The following SULF2 variants were observed in gnomAD, a reference collection of about 807,000 sequenced individuals.
The protein encoded by SULF2 is sulfatase 2, also known as extracellular sulfatase Sulf-2.
SULF2 carries 52 observed loss-of-function variants against 107.7 expected under a neutral mutation model. The observed-to-expected ratio is 0.48, with a 90% CI of 0.39 to 0.61. SULF2 has a LOEUF of 0.61. Ranked by LOEUF, SULF2 falls within the 20% of genes least tolerant of loss-of-function variation. SULF2 has a pLI of 0.00. For synonymous variants in SULF2, 460 were observed against 464.3 expected (o/e 0.99, Z 0.12); for missense variants, 993 against 1,177.3 (o/e 0.84, Z 2.29).
At chr20:47,712,686 C>A (rs191348859) in intron 3 of SULF2, among the ~76,000 whole-genome samples, 2 of 152,134 alleles carry the variant, frequency 1.3e-5, no homozygotes, top group East Asian at 3.9e-4. Flanking sequence ...TAATGTTAAG[C>A]GTCACACCCC....
At chr20:47,674,686 AC>A (rs1434683358) in intron 10 of SULF2, among the ~76,000 whole-genome samples, 1 of 152,216 alleles carries the variant, frequency 6.6e-6, no homozygotes, top group African/African-American at 2.4e-5. Context: ...TGACAAAAAA[AC>A]ATCTACCACG....
chr20:47,693,770 C>T lies in SULF2; in HGVS notation c.568-3475G>A, dbSNP rs547979199. ...GCTACCTCCAGGGGAGGGCTCAGGC[C>T]GGGGCAGGAATGAGACCCAGGAGGG... On this transcript the variant is annotated intron_variant, in intron 4 of 20. Transcript: ENST00000688720. 9.2e-5 allele frequency among the ~76,000 whole-genome samples: 14 copies of T among 152,300 alleles called. No homozygotes were observed. The East Asian group carries it at 9.6e-4, about 10-fold the overall frequency.
At chr20:47,710,805 C>T (rs901912571) in intron 3 of SULF2, among the ~76,000 whole-genome samples, 3 of 152,168 alleles carry the variant, frequency 2.0e-5, no homozygotes, top group African/African-American at 7.2e-5. Context: ...GCAGGTCGGC[C>T]ACTTCCCCTG....
chr20:47,706,781 G>A (rs977997946), intron 3 of SULF2: 2 of 152,216 alleles, frequency 1.3e-5, no homozygotes, highest in African/African-American at 4.8e-5. Flanking sequence ...GTTTAGTCAG[G>A]AAGCCCAAAT....
intron 7 of SULF2, among the ~76,000 whole-genome samples, chr20:47,682,061 C>T (rs2087840425): frequency 6.6e-6 from 1 of 152,036 alleles, no homozygotes; most frequent in African/African-American, 2.4e-5. Context: ...GTCGTTATTA[C>T]AGCTCTTAGT....
intron 1 of SULF2, among the ~76,000 whole-genome samples, chr20:47,775,586 T>C (rs34106625): frequency 0.085 from 12,879 of 152,222 alleles, 808 homozygotes; most frequent in African/African-American, 0.17. Flanking sequence ...CAAATGACTA[T>C]GAGGTTAAGA....
intron 8 of SULF2, among the ~76,000 whole-genome samples, chr20:47,677,431 C>CGT (rs1200877482): frequency 1.6e-4 from 18 of 112,588 alleles, no homozygotes; most frequent in Non-Finnish European, 3.4e-4. Flanking sequence ...TGTGTGTGTG[C>CGT]GCGCACACAC....
rs754040310 is a variant in SULF2 at position 47,689,962 on chromosome 20, C to T, written c.737+164G>A. 3.5e-4 allele frequency: 242 copies of T among 695,480 alleles called. 1 individual carries two copies. The highest frequency in any genetic ancestry group is 4.6e-4 in the Non-Finnish European group (227 of 496,862). 43.1% of individuals were successfully genotyped at this position (695,480 alleles called of 1,614,324 possible). ...TTGCCCAGGCTGTCTGGAGTTGCAT[C>T]CCAGTTTCACCATGGACAAGCAGTA... is the stretch of plus-strand genomic sequence containing the variant. On this transcript the variant is annotated intron_variant, in intron 5 of 20. Coordinates refer to ENST00000688720, the MANE Select transcript of SULF2 (RefSeq NM_001387048.1).
At position 47,665,133 on chromosome 20, in the gene SULF2, G is replaced by A; in HGVS notation, c.1997+66C>T. On this transcript the variant is annotated intron_variant, in intron 14 of 20. Transcript: ENST00000688720. ...AAAATGAAAGGGGTCAATCACGAGA[G>A]GGGATGAACTGAACTGTCCTGTAGG... The A allele has an allele frequency of 9.1e-6, 9 of 991,124 alleles. No homozygotes were observed. The South Asian group carries it at 1.2e-4, about 13-fold the overall frequency. 61.4% of individuals were successfully genotyped at this position (991,124 alleles called of 1,614,324 possible).
chr20:47,774,806 A>AAGGGGTGATCATGTGACC, intron 1 of SULF2, among the ~76,000 whole-genome samples: 1 of 152,158 alleles, frequency 6.6e-6, no homozygotes, highest in Non-Finnish European at 1.5e-5. Context: ...CCTCTCTGCC[A>AAGGGGTGATCATGTGACC]AGGGGTGATC....
In SULF2 at chr20:47,684,284, T is replaced by C. The variant is rs370620769; in HGVS notation, c.888+147A>G. ...CTTTTGTCTGGATTGCTCCAAGCTG[T>C]TCCCCAGGTCTAGCACATGGGGCCT... On this transcript the variant is annotated intron_variant, in intron 6 of 20. Coordinates refer to ENST00000688720, the MANE Select transcript of SULF2 (RefSeq NM_001387048.1). 4.8e-5 allele frequency: 39 copies of C among 815,804 alleles called. 1 individual carries two copies. Among genetic ancestry groups the C allele is most frequent in the East Asian group, 4.4e-4 (15 of 33,724 alleles). The allele number at this position is 815,804 out of a possible 1,614,324, so 50.5% of individuals were successfully genotyped here. A position where few individuals can be genotyped will look rare whatever the true frequency, so the allele number is the denominator to read the frequency against.
intron 3 of SULF2, among the ~76,000 whole-genome samples, chr20:47,736,300 A>G (rs1305228423): frequency 6.6e-6 from 1 of 152,160 alleles, no homozygotes; most frequent in African/African-American, 2.4e-5. Flanking sequence ...CCCTCCATGA[A>G]TTCCCATCCC....
At chr20:47,707,838 CCCCGA>C (rs1203694485) in intron 3 of SULF2, among the ~76,000 whole-genome samples, 1 of 152,176 alleles carries the variant, frequency 6.6e-6, no homozygotes, top group Non-Finnish European at 1.5e-5. Context: ...CCCTACAGAG[CCCCGA>C]CACTTTCTAC....
intron 2 of SULF2, among the ~76,000 whole-genome samples, chr20:47,747,018 T>TATATATACACAC (rs1232551264): frequency 1.3e-4 from 10 of 75,116 alleles, no homozygotes; most frequent in East Asian, 8.0e-4. Flanking sequence ...TATATATATA[T>TATATATACACAC]ACACACACAC....
At chr20:47,729,034 G>A (rs2089524448) in intron 3 of SULF2, among the ~76,000 whole-genome samples, 1 of 152,232 alleles carries the variant, frequency 6.6e-6, no homozygotes, top group Admixed American at 6.5e-5. Flanking sequence ...TGGGGGCACT[G>A]GTGGGAAAAA....
rs749405114 is a variant in SULF2 at position 47,664,206 on chromosome 20, C to A, written c.1998-17G>T. 5.0e-6 allele frequency: 8 copies of A among 1,608,106 alleles called. No homozygotes were observed. Among genetic ancestry groups the A allele is most frequent in the South Asian group, 4.4e-5 (4 of 89,896 alleles). On this transcript the variant is annotated splice_polypyrimidine_tract_variant and intron_variant, in intron 14 of 20. Coordinates refer to ENST00000688720, the MANE Select transcript of SULF2 (RefSeq NM_001387048.1). ...GTGTGGTAGCTGTAACAGACCCCCC[C>A]AGCCCCAGGCTTCAGGAGTGGCTCA...
In SULF2 at chr20:47,680,772, A is replaced by G. The variant is rs1396699781; in HGVS notation, c.1065-1968T>C. Among the ~76,000 whole-genome samples, 1 of 152,218 alleles carries G rather than the reference A, an allele frequency of 6.6e-6. No homozygotes were observed. The highest frequency in any genetic ancestry group is 1.5e-5 in the Non-Finnish European group (1 of 68,038). On this transcript the variant is annotated intron_variant, in intron 7 of 20. Transcript: ENST00000688720. The surrounding 1 kb of genome is among the most constrained non-coding windows in gnomAD (Gnocchi z 4.2). ...CGCTCTGCAGAACCCAGCAACCGGC[A>G]GCTAATGGGGCTGAGCTTGTCCAGT...
At chr20:47,781,107 G>C (rs976582510) in intron 1 of SULF2, among the ~76,000 whole-genome samples, 11 of 152,224 alleles carry the variant, frequency 7.2e-5, no homozygotes, top group Non-Finnish European at 1.3e-4. Context: ...CTGGCCCCCC[G>C]AAAGCACAGG....
rs141901689 is a variant in SULF2 at position 47,758,535 on chromosome 20, G to C, written c.-100-1072C>G. ...AGAAAATTGAGCGCTAAAAGGTGGA[G>C]GGGGAAGACCTGCCACAGGCCACTG... On this transcript the variant is annotated intron_variant, in intron 1 of 20. Coordinates refer to ENST00000688720, the MANE Select transcript of SULF2 (RefSeq NM_001387048.1). Among the ~76,000 whole-genome samples, 455 of 152,282 alleles carry C rather than the reference G, an allele frequency of 3.0e-3. 2 individuals carry two copies. The highest frequency in any genetic ancestry group is 0.01 in the African/African-American group (433 of 41,558).
Sources: gnomAD v4.1 joint callset for allele counts (sites outside exome capture counted in the v4.1 genomes callset) on GRCh38, gnomAD v4.1.1 for gene constraint, Gnocchi (gnomAD v3.1) non-coding constraint, MANE v1.5 for transcripts, NCBI Gene and HGNC (gene_info 2026-07-23, HGNC 2026-07-21) for gene names.